Variants in TNFAIP8 observed in about 807,000 individuals in gnomAD.
TNFAIP8 encodes TNF alpha induced protein 8, also known as tumor necrosis factor alpha-induced protein 8.
TNFAIP8 carries 7 observed loss-of-function variants against 13.3 expected under a neutral mutation model. The ratio of observed to expected loss-of-function variants is 0.52; its 90% CI spans 0.30 to 0.99. The LOEUF is 0.99. Ranked by LOEUF, TNFAIP8 falls within the 50% of genes least tolerant of loss-of-function variation. The pLI is 0.07. For synonymous variants in TNFAIP8, 94 were observed against 87.6 expected (o/e 1.07, Z -0.41); for missense variants, 258 against 236.9 (o/e 1.09, Z -0.58).
In TNFAIP8 at chr5:119,396,228, T is replaced by C. The variant is rs932329869; in HGVS notation, c.*2847T>C. 6.6e-6 allele frequency: 1 copy of C among 152,286 alleles called. No individual in the cohort carries two copies. The allele number at this position is 152,286 out of a possible 1,614,324, so 9.4% of individuals were successfully genotyped here. On this transcript the variant is annotated 3_prime_UTR_variant, in exon 2 of 2. Transcript: ENST00000504771. ...CAGAGAAGCGTGGGCAGTATGCTGC[T>C]GAAATGGTTCCTCATATAGTGACAT...
chr5:119,305,489 G>A (rs949100671), intron 1 of TNFAIP8, among the ~76,000 whole-genome samples: 3 of 152,214 alleles, frequency 2.0e-5, no homozygotes, highest in African/African-American at 7.2e-5. Flanking sequence ...CAGCTGCTCG[G>A]AAGGCTGAGG....
chr5:119,291,507 ATT>A (rs987009604), intron 1 of TNFAIP8, among the ~76,000 whole-genome samples: 1 of 152,232 alleles, frequency 6.6e-6, no homozygotes, highest in African/African-American at 2.4e-5. Flanking sequence ...TAATAATTTT[ATT>A]TTTAAAAACT....
At chr5:119,384,336 T>C (rs1181218195) in intron 1 of TNFAIP8, among the ~76,000 whole-genome samples, 2 of 152,016 alleles carry the variant, frequency 1.3e-5, no homozygotes, top group Admixed American at 6.6e-5. Context: ...AATACAACAA[T>C]TAGCTGGGCG....
intron 1 of TNFAIP8, among the ~76,000 whole-genome samples, chr5:119,322,627 C>T (rs1390875975): frequency 6.6e-6 from 1 of 152,210 alleles, no homozygotes; most frequent in African/African-American, 2.4e-5. Context: ...CTCCATAATC[C>T]ACTTTCCTGA....
At chr5:119,391,267 A>C (rs1457216618) in intron 1 of TNFAIP8, 2 of 633,402 alleles carry the variant, frequency 3.2e-6, no homozygotes, top group Admixed American at 2.3e-5. Flanking sequence ...AACTAGAAAT[A>C]ATCTTATATA....
At chr5:119,390,563 T>C (rs987998808) in intron 1 of TNFAIP8, among the ~76,000 whole-genome samples, 3 of 152,240 alleles carry the variant, frequency 2.0e-5, no homozygotes, top group African/African-American at 7.2e-5. Context: ...CATTTTCACT[T>C]TCCTTCTCTT....
intron 1 of TNFAIP8, among the ~76,000 whole-genome samples, chr5:119,315,638 A>G (rs1443520894): frequency 2.0e-5 from 3 of 152,176 alleles, no homozygotes; most frequent in Admixed American, 6.5e-5. Flanking sequence ...TGTTGAACAC[A>G]CTGAGGAAGC....
chr5:119,278,479 C>A (rs1472097238), intron 1 of TNFAIP8, among the ~76,000 whole-genome samples: 1 of 150,488 alleles, frequency 6.6e-6, no homozygotes, highest in Non-Finnish European at 1.5e-5. Flanking sequence ...TATCCCTTTT[C>A]ATCCGGGAGT....
At chr5:119,333,310 T>G in intron 1 of TNFAIP8, 1 of 1,189,566 alleles carries the variant, frequency 8.4e-7, no homozygotes, top group Middle Eastern at 3.3e-4. Context: ...GACTCACAAT[T>G]AAAGGCTACC....
At chr5:119,300,503 A>G (rs1749353606) in intron 1 of TNFAIP8, among the ~76,000 whole-genome samples, 1 of 152,216 alleles carries the variant, frequency 6.6e-6, no homozygotes, top group South Asian at 2.1e-4. Context: ...CAACTTAGAA[A>G]CGATATTGCA....
intron 1 of TNFAIP8, among the ~76,000 whole-genome samples, chr5:119,314,191 A>G (rs1561996649): frequency 6.6e-6 from 1 of 151,932 alleles, no homozygotes; most frequent in Non-Finnish European, 1.5e-5. Flanking sequence ...ACAAACAAAC[A>G]AACAAACAAA....
chr5:119,357,418 T>C (rs145819863), intron 1 of TNFAIP8, among the ~76,000 whole-genome samples: 164 of 152,302 alleles, frequency 1.1e-3, no homozygotes, highest in African/African-American at 3.0e-3. Flanking sequence ...TCAAAGGTAG[T>C]TGAAGGCAAA....
intron 1 of TNFAIP8, among the ~76,000 whole-genome samples, chr5:119,324,549 T>A (rs1349986020): frequency 5.3e-5 from 8 of 152,022 alleles, no homozygotes; most frequent in Admixed American, 2.0e-4. Context: ...CTTTGAAAAT[T>A]CCCTGAAAAG....
chr5:119,327,026 A>G (rs1750245113), intron 1 of TNFAIP8, among the ~76,000 whole-genome samples: 1 of 152,216 alleles, frequency 6.6e-6, no homozygotes, highest in Admixed American at 6.5e-5. Flanking sequence ...AGACAGAAGT[A>G]TATACCACAG....
intron 1 of TNFAIP8, among the ~76,000 whole-genome samples, chr5:119,302,369 A>G (rs114790657): frequency 0.022 from 3,366 of 152,248 alleles, 58 homozygotes; most frequent in Middle Eastern, 0.054. Flanking sequence ...AGAACACTAA[A>G]TAGTTTTTTT....
At chr5:119,299,435 C>T (rs772702917) in intron 1 of TNFAIP8, among the ~76,000 whole-genome samples, 2 of 152,102 alleles carry the variant, frequency 1.3e-5, no homozygotes, top group Admixed American at 6.6e-5. Flanking sequence ...TTTCGTGAAC[C>T]GCGAATGCTG....
At chr5:119,370,178 T>C (rs1752019814) in intron 1 of TNFAIP8, among the ~76,000 whole-genome samples, 2 of 152,220 alleles carry the variant, frequency 1.3e-5, no homozygotes, top group South Asian at 4.1e-4. Context: ...ATTTAACATC[T>C]TTGGAGTTCT....
intron 1 of TNFAIP8, among the ~76,000 whole-genome samples, chr5:119,326,035 C>A (rs1051271873): frequency 1.3e-5 from 2 of 152,210 alleles, no homozygotes; most frequent in African/African-American, 4.8e-5. Flanking sequence ...CCGCTTTTTC[C>A]CACTGAATGT....
chr5:119,353,658 G>GACGGAGCTATAAGGCTC (rs1414507242), upstream of TNFAIP8, among the ~76,000 whole-genome samples: 2 of 152,330 alleles, frequency 1.3e-5, no homozygotes, highest in Admixed American at 6.5e-5. Context: ...TTATAAGGCT[G>GACGGAGCTATAAGGCTC]ACGGAGCGCT....
Sources: allele counts gnomAD v4.1 joint callset (sites outside exome capture counted in the v4.1 genomes callset), GRCh38; gene constraint gnomAD v4.1.1; transcripts MANE v1.5; gene names NCBI Gene and HGNC (gene_info 2026-07-23, HGNC 2026-07-21).